The following AGAP1 variants were observed in gnomAD, a reference collection of about 807,000 sequenced individuals.
AGAP1 encodes the protein ArfGAP with GTPase domain, ankyrin repeat and PH domain 1.
A neutral mutation model predicts 105.3 loss-of-function variants in AGAP1; 29 were observed. The ratio of observed to expected loss-of-function variants is 0.28; its 90% CI spans 0.21 to 0.38. The LOEUF (loss-of-function observed/expected upper bound fraction) is 0.38, where lower values mean the gene tolerates loss of function less well. AGAP1 is among the 10% of genes least tolerant of loss of function. The pLI is 1.00. For missense variants in AGAP1, 998 were observed against 1,165.1 expected, an observed-to-expected ratio of 0.86 and a Z score of 2.09; for synonymous variants, 509 against 485.9, an observed-to-expected ratio of 1.05 and a Z score of -0.63.
Position 235,579,334 on chromosome 2 carries a change from C to T in AGAP1, c.163+84485C>T, listed in dbSNP as rs191378019. 7.1e-4 allele frequency among the ~76,000 whole-genome samples: 108 copies of T among 152,308 alleles called. 1 individual carries two copies. The highest frequency in any genetic ancestry group is 2.6e-3 in the African/African-American group (106 of 41,566). ...TGTCCTTCCCATGCCCTGAGGTCTC[C>T]AGCCTTTTTGTTAAAACAAAACAAA... On this transcript the variant is annotated intron_variant, in intron 1 of 17. Coordinates refer to ENST00000304032, the MANE Select transcript of AGAP1 (RefSeq NM_001037131.3).
intron 16 of AGAP1, among the ~76,000 whole-genome samples, chr2:236,106,001 G>C (rs550551526): frequency 1.3e-5 from 2 of 152,298 alleles, no homozygotes; most frequent in East Asian, 3.9e-4. Context: ...CATCACACAG[G>C]GGGTTAGGGC....
Position 235,962,009 on chromosome 2 carries a change from G to A in AGAP1, c.1484-6453G>A, listed in dbSNP as rs1040133853. 6.6e-6 allele frequency among the ~76,000 whole-genome samples: 1 copy of A among 152,222 alleles called. No individual in the cohort carries two copies. Among genetic ancestry groups the A allele is most frequent in the African/African-American group, 2.4e-5 (1 of 41,460 alleles). ...GGGACAGGCTGGGGCAGGGCGGGGT[G>A]GAGGGTGTCCTCTTCTGATGGATGC... On this transcript the variant is annotated intron_variant, in intron 12 of 17. Transcript: ENST00000304032. This position sits in a 1 kb window ranked among gnomAD's most constrained non-coding sequence, Gnocchi z 5.3.
chr2:235,537,693 C>CAACACCCAACACCCA (rs1943286625), intron 1 of AGAP1, among the ~76,000 whole-genome samples: 1 of 152,152 alleles, frequency 6.6e-6, no homozygotes, highest in East Asian at 1.9e-4. Context: ...GTTGAGTTCC[C>CAACACCCAACACCCA]AGTCTTGTCT....
At chr2:235,915,019 G>T (rs1017221786) in intron 11 of AGAP1, among the ~76,000 whole-genome samples, 3 of 152,150 alleles carry the variant, frequency 2.0e-5, no homozygotes, top group African/African-American at 7.2e-5. Flanking sequence ...AGGCAAGGCA[G>T]CCCTGACCGT....
chr2:235,668,715 C>A (rs186037657), intron 1 of AGAP1, among the ~76,000 whole-genome samples: 109 of 152,244 alleles, frequency 7.2e-4, no homozygotes, highest in Non-Finnish European at 7.4e-5. Flanking sequence ...GGTAGGAAAT[C>A]GAGGATTTGA....
intron 16 of AGAP1, among the ~76,000 whole-genome samples, chr2:236,088,166 G>C (rs2058977459): frequency 6.6e-6 from 1 of 152,150 alleles, no homozygotes; most frequent in Non-Finnish European, 1.5e-5. Context: ...CCCGTCTCTG[G>C]GTCCCCAGCC....
At chr2:235,818,708 G>GC (rs1958605079) in intron 9 of AGAP1, among the ~76,000 whole-genome samples, 1 of 152,206 alleles carries the variant, frequency 6.6e-6, no homozygotes, top group African/African-American at 2.4e-5. Flanking sequence ...CTCCTAAGTA[G>GC]CTGGGATTAC....
chr2:235,783,931 G>A (rs1337172772), intron 6 of AGAP1, among the ~76,000 whole-genome samples: 2 of 152,150 alleles, frequency 1.3e-5, no homozygotes, highest in African/African-American at 2.4e-5. Flanking sequence ...ACTGATGCCT[G>A]CACCGTAGTT....
At chr2:235,505,853 AGACCTTTTGTTG>A (rs1941780621) in intron 1 of AGAP1, 3 of 148,118 alleles carry the variant, frequency 2.0e-5, no homozygotes, top group Non-Finnish European at 4.5e-5. Flanking sequence ...GCAGGCTGGG[AGACCTTTTGTTG>A]GACGGTCTAC....
chr2:235,584,816 C>T (rs1249670055), intron 1 of AGAP1, among the ~76,000 whole-genome samples: 2 of 151,370 alleles, frequency 1.3e-5, no homozygotes, highest in Admixed American at 1.3e-4. Context: ...CCCATTGCCA[C>T]GTGGTCTCTG....
rs1243239691 is a variant in AGAP1, at chr2:235,961,461, A to C, written c.1484-7001A>C. On this transcript the variant is annotated intron_variant, in intron 12 of 17. Coordinates refer to ENST00000304032, the MANE Select transcript of AGAP1 (RefSeq NM_001037131.3). The surrounding 1 kb of genome is among the most constrained non-coding windows in gnomAD (Gnocchi z 5.9). Reference sequence around the variant, plus strand: ...GTGCCGCCGGCCCCAGCAAGGACACACCAGTGGTTGGTGGGATGTGAGCGG... The same window carrying C: ...GTGCCGCCGGCCCCAGCAAGGACACCCCAGTGGTTGGTGGGATGTGAGCGG... Among the ~76,000 whole-genome samples the C allele has an allele frequency of 1.3e-5, 2 of 152,190 alleles. No individual in the cohort carries two copies. Among genetic ancestry groups the C allele is most frequent in the Non-Finnish European group, 2.9e-5 (2 of 68,042 alleles).
At chr2:235,668,264 T>C (rs1252816848) in intron 1 of AGAP1, among the ~76,000 whole-genome samples, 1 of 152,232 alleles carries the variant, frequency 6.6e-6, no homozygotes, top group African/African-American at 2.4e-5. Context: ...AATGCTGTCA[T>C]AAAATCTAGA....
rs1275926642 is a variant in AGAP1 at position 235,865,813 on chromosome 2, A to G, written c.1051-17532A>G. On this transcript the variant is annotated intron_variant, in intron 9 of 17. Transcript: ENST00000304032. The surrounding 1 kb of genome is among the most constrained non-coding windows in gnomAD (Gnocchi z 6.2). ...TGTCTGCTGGTCACATTTTCTAGTC[A>G]TCTCCTTTTACCAAAATTTACCTCC... Among the ~76,000 whole-genome samples, 1 of 152,200 alleles carries G rather than the reference A, an allele frequency of 6.6e-6. No individual in the cohort carries two copies. Among genetic ancestry groups the G allele is most frequent in the East Asian group, 1.9e-4 (1 of 5,196 alleles).
chr2:235,528,377 C>T (rs1230789008), intron 1 of AGAP1, among the ~76,000 whole-genome samples: 1 of 150,736 alleles, frequency 6.6e-6, no homozygotes, highest in African/African-American at 2.4e-5. Flanking sequence ...CCCTCCCCTC[C>T]CACTGGCGGT....
In AGAP1 at chr2:236,040,517, G is replaced by A. The variant is rs1191736966; in HGVS notation, c.1801-234G>A. ...TCTTTGCTCATTTCTGGCAGAGTCCGTCTCAGCTGATGAGTTAAAATGTGA... is the reference window on the plus strand; with the variant it reads ...TCTTTGCTCATTTCTGGCAGAGTCCATCTCAGCTGATGAGTTAAAATGTGA... On this transcript the variant is annotated intron_variant, in intron 14 of 17. Transcript: ENST00000304032. The surrounding 1 kb of genome is among the most constrained non-coding windows in gnomAD (Gnocchi z 5.6). 20 of 534,074 alleles carry A rather than the reference G, an allele frequency of 3.7e-5. No homozygotes were observed. Among genetic ancestry groups the A allele is most frequent in the East Asian group, 6.3e-5 (2 of 31,934 alleles). The allele number at this position is 534,074 out of a possible 1,614,324, so 33.1% of individuals were successfully genotyped here.
chr2:235,863,812 G>A lies in AGAP1; in HGVS notation c.1051-19533G>A, dbSNP rs560816706. On this transcript the variant is annotated intron_variant, in intron 9 of 17. Coordinates refer to ENST00000304032, the MANE Select transcript of AGAP1 (RefSeq NM_001037131.3). ...TAGTGATGTCTGCAGCTGTGGATGA[G>A]ACCTTCTAGGGGAAGAGTTAACTCG... is the stretch of plus-strand genomic sequence containing the variant. Among the ~76,000 whole-genome samples, 38 of 152,324 alleles carry A rather than the reference G, an allele frequency of 2.5e-4. 1 individual carries two copies. The South Asian group carries it at 7.9e-3, about 32-fold the overall frequency.
At chr2:235,511,642 A>T (rs1056381990) in intron 1 of AGAP1, among the ~76,000 whole-genome samples, 1 of 151,976 alleles carries the variant, frequency 6.6e-6, no homozygotes, top group African/African-American at 2.4e-5. Context: ...GCCAAGAGAA[A>T]ATCTCCTGGA....
Position 235,799,079 on chromosome 2 carries a change from A to G in AGAP1, c.802-288A>G, listed in dbSNP as rs1957374183. 6.6e-6 allele frequency among the ~76,000 whole-genome samples: 1 copy of G among 152,180 alleles called. No homozygotes were observed. Among genetic ancestry groups the G allele is most frequent in the South Asian group, 2.1e-4 (1 of 4,830 alleles). Reference sequence around the variant, plus strand: ...TCATTTTCAGAGGAAAGAGAAAATAATCAAATTTGAACTCTCAGAAATCTT... The same window carrying G: ...TCATTTTCAGAGGAAAGAGAAAATAGTCAAATTTGAACTCTCAGAAATCTT... On this transcript the variant is annotated intron_variant, in intron 7 of 17. Transcript: ENST00000304032. The surrounding 1 kb of genome is among the most constrained non-coding windows in gnomAD (Gnocchi z 5.0).
rs60872142 is a variant in AGAP1 at position 235,979,469 on chromosome 2, T to C, written c.1645+10846T>C. 2.0e-3 allele frequency among the ~76,000 whole-genome samples: 308 copies of C among 152,230 alleles called. 9 individuals are homozygous for C. In the East Asian group the frequency reaches 0.044, roughly 22 times the overall value. On this transcript the variant is annotated intron_variant, in intron 13 of 17. Coordinates refer to ENST00000304032, the MANE Select transcript of AGAP1 (RefSeq NM_001037131.3). This position sits in a 1 kb window ranked among gnomAD's most constrained non-coding sequence, Gnocchi z 4.5. ...AGATGTATTAATGCTTTGGAGAAGG[T>C]GTAGTTGAGATAAACTTTGTGTGTT...
Sources: allele counts gnomAD v4.1 joint callset (sites outside exome capture counted in the v4.1 genomes callset), GRCh38; gene constraint gnomAD v4.1.1; non-coding constraint Gnocchi (gnomAD v3.1); transcripts MANE v1.5; gene names NCBI Gene and HGNC (gene_info 2026-07-23, HGNC 2026-07-21).